The following PKNOX2 variants were observed in gnomAD, a reference collection of about 807,000 sequenced individuals.
PKNOX2 encodes homeobox protein PKNOX2.
Under a neutral mutation model 53.1 loss-of-function variants are expected in PKNOX2, and 14 were observed. That is an observed-to-expected ratio of 0.26 (90% confidence interval 0.17 to 0.41). The LOEUF (loss-of-function observed/expected upper bound fraction) is 0.41, where lower values mean the gene tolerates loss of function less well. Among genes scored for constraint, PKNOX2 ranks in the 10% least tolerant of loss-of-function variants. PKNOX2 has a pLI of 1.00. For missense variants in PKNOX2, 496 were observed against 602.8 expected, an observed-to-expected ratio of 0.82 and a Z score of 1.85; for synonymous variants, 257 against 242.8, an observed-to-expected ratio of 1.06 and a Z score of -0.54.
At chr11:125,406,010 G>A (rs1955070886) in intron 7 of PKNOX2, among the ~76,000 whole-genome samples, 1 of 152,188 alleles carries the variant, frequency 6.6e-6, no homozygotes, top group Admixed American at 6.5e-5. Flanking sequence ...GCTGAAAAAA[G>A]TAACTAGAAC....
chr11:125,253,088 G>C (rs747421948), intron 2 of PKNOX2, among the ~76,000 whole-genome samples: 1 of 152,190 alleles, frequency 6.6e-6, no homozygotes. Flanking sequence ...TGGAAGTGAA[G>C]AATTTAAGTA....
At chr11:125,174,340 T>C (rs1955543964) in intron 1 of PKNOX2, among the ~76,000 whole-genome samples, 1 of 152,224 alleles carries the variant, frequency 6.6e-6, no homozygotes, top group African/African-American at 2.4e-5. Flanking sequence ...GGCCTCATCC[T>C]CTAGGAGCTA....
chr11:125,255,758 G>T (rs530236138), intron 2 of PKNOX2, among the ~76,000 whole-genome samples: 4 of 152,230 alleles, frequency 2.6e-5, no homozygotes, highest in South Asian at 2.1e-4. Flanking sequence ...ACTTCTGGAA[G>T]TCGCCCTGCC....
At chr11:125,330,687 CACACAAACACACAT>C (rs1950088456) in intron 2 of PKNOX2, among the ~76,000 whole-genome samples, 1 of 152,086 alleles carries the variant, frequency 6.6e-6, no homozygotes, top group Non-Finnish European at 1.5e-5. Context: ...GCAGTGCACA[CACACAAACACACAT>C]ACACATACAC....
chr11:125,201,225 C>T (rs990184622), intron 1 of PKNOX2, among the ~76,000 whole-genome samples: 6 of 152,102 alleles, frequency 3.9e-5, no homozygotes, highest in African/African-American at 7.2e-5. Flanking sequence ...GTCTTCCTTT[C>T]CACTTTCCAG....
At chr11:125,342,845 C>A (rs1001726403) in intron 3 of PKNOX2, among the ~76,000 whole-genome samples, 4 of 151,548 alleles carry the variant, frequency 2.6e-5, no homozygotes, top group Non-Finnish European at 5.9e-5. Flanking sequence ...AGCTGGAGGG[C>A]TCTCCACTGT....
At position 125,410,819 on chromosome 11, in the gene PKNOX2, G is replaced by A. The variant is rs1160394718; in HGVS notation, c.759G>A (p.Gln253=). 1.2e-6 allele frequency: 2 copies of A among 1,614,092 alleles called. No homozygotes were observed. Among genetic ancestry groups the A allele is most frequent in the South Asian group, 1.1e-5 (1 of 91,084 alleles). Residue 253 remains glutamine, a synonymous_variant, in exon 9 of 13, where the codon CAG becomes CAA. Transcript: ENST00000298282. ...AACCGGTTACCATGGTAACCTCCCA[G>A]GGTCAGGTGGTCACCCAAGCAATCC... ...LYQPVTMVTS[Q]GQVVTQAIPQ...
In PKNOX2 at chr11:125,304,072, C is replaced by T. The variant is rs150396729; in HGVS notation, c.-129-27747C>T. Among the ~76,000 whole-genome samples the T allele has an allele frequency of 1.7e-4, 25 of 150,434 alleles. No homozygotes were observed. In the East Asian group the frequency reaches 4.2e-3, roughly 25 times the overall value. On this transcript the variant is annotated intron_variant, in intron 2 of 12. Transcript: ENST00000298282. The stretch of plus-strand genomic sequence containing the variant: ...CACAAGGGACGTGGTTGGCAGGGAC[C>T]CTCTGATACCCGCAGGGAGCTTGGC...
chr11:125,279,642 G>A (rs1204296814), intron 2 of PKNOX2, among the ~76,000 whole-genome samples: 1 of 152,142 alleles, frequency 6.6e-6, no homozygotes, highest in Non-Finnish European at 1.5e-5. Context: ...GAAGTGGAAC[G>A]CAGGGGAGTC....
chr11:125,283,312 C>T (rs919160284), intron 2 of PKNOX2, among the ~76,000 whole-genome samples: 1 of 152,196 alleles, frequency 6.6e-6, no homozygotes, highest in Admixed American at 6.5e-5. Context: ...GGGTAAGTGG[C>T]TGACACCTCA....
rs532026969 is a variant in PKNOX2 at position 125,371,187 on chromosome 11, G to T, written c.227+3202G>T. 5.7e-4 allele frequency among the ~76,000 whole-genome samples: 87 copies of T among 152,258 alleles called. 1 individual carries two copies. The highest frequency in any genetic ancestry group is 2.1e-3 in the African/African-American group (86 of 41,550). The stretch of plus-strand genomic sequence containing the variant: ...AATCAGCAAAGCAACCAGGGGCTCC[G>T]GCTCAGATTAATGATTGCAGTCTAA... On this transcript the variant is annotated intron_variant, in intron 5 of 12. Transcript: ENST00000298282.
At chr11:125,382,914 G>A (rs987766421) in intron 5 of PKNOX2, among the ~76,000 whole-genome samples, 1 of 152,158 alleles carries the variant, frequency 6.6e-6, no homozygotes, top group Non-Finnish European at 1.5e-5. Flanking sequence ...GCAGCAAATA[G>A]GCCACCCTTA....
At chr11:125,305,537 C>T (rs531666159) in intron 2 of PKNOX2, among the ~76,000 whole-genome samples, 201 of 152,334 alleles carry the variant, frequency 1.3e-3, no homozygotes, top group African/African-American at 4.6e-3. Context: ...TGGGCACCCC[C>T]ACCCCAGGCA....
At chr11:125,430,685 C>A (rs1956657648) in intron 12 of PKNOX2, among the ~76,000 whole-genome samples, 1 of 152,018 alleles carries the variant, frequency 6.6e-6, no homozygotes, top group East Asian at 1.9e-4. Flanking sequence ...GCACACATAA[C>A]CTCATGCACA....
chr11:125,402,057 C>T (rs1954787572), intron 7 of PKNOX2, among the ~76,000 whole-genome samples: 1 of 152,150 alleles, frequency 6.6e-6, no homozygotes, highest in Admixed American at 6.5e-5. Flanking sequence ...GATGCTATGC[C>T]GTGTCCTCCA....
intron 6 of PKNOX2, among the ~76,000 whole-genome samples, chr11:125,392,962 T>G (rs1954148484): frequency 6.6e-6 from 1 of 151,690 alleles, no homozygotes; most frequent in Non-Finnish European, 1.5e-5. Context: ...ATCGAGACTA[T>G]CCTGGGAAAC....
chr11:125,357,827 T>C (rs970083717), intron 4 of PKNOX2, among the ~76,000 whole-genome samples: 4 of 152,156 alleles, frequency 2.6e-5, no homozygotes, highest in Non-Finnish European at 5.9e-5. Context: ...AATTATCAGC[T>C]CCACTGCTGA....
At chr11:125,196,956 A>C (rs138037503) in intron 1 of PKNOX2, among the ~76,000 whole-genome samples, 1 of 152,188 alleles carries the variant, frequency 6.6e-6, no homozygotes, top group Non-Finnish European at 1.5e-5. Flanking sequence ...GGATCACTGG[A>C]TTTTACCCTA....
intron 2 of PKNOX2, among the ~76,000 whole-genome samples, chr11:125,315,303 GAA>G (rs534448203): frequency 0.038 from 3,036 of 79,366 alleles, 55 homozygotes; most frequent in East Asian, 0.15. Flanking sequence ...TGTGAAGCAG[GAA>G]AAAAAAAAAA....
Sources: gnomAD v4.1 joint callset for allele counts (sites outside exome capture counted in the v4.1 genomes callset) on GRCh38, gnomAD v4.1.1 for gene constraint, MANE v1.5 for transcripts, NCBI Gene and HGNC (gene_info 2026-07-23, HGNC 2026-07-21) for gene names.